The following IGF2R variants were observed in gnomAD, a reference collection of about 807,000 sequenced individuals.
The protein encoded by IGF2R is insulin like growth factor 2 receptor.
Under a neutral mutation model 270.6 loss-of-function variants are expected in IGF2R, and 91 were observed. That is an observed-to-expected ratio of 0.34 (90% CI 0.28 to 0.40). The LOEUF is 0.40. IGF2R is among the 10% of genes least tolerant of loss of function. The pLI is 1.00. For missense variants in IGF2R, 2,805 were observed against 3,188.3 expected, an observed-to-expected ratio of 0.88 and a Z score of 2.90; for synonymous variants, 1,316 against 1,258.9, an observed-to-expected ratio of 1.05 and a Z score of -0.96.
intron 2 of IGF2R, among the ~76,000 whole-genome samples, chr6:159,993,027 A>T (rs937788445): frequency 6.6e-6 from 1 of 152,126 alleles, no homozygotes; most frequent in Admixed American, 6.5e-5. Context: ...ACATTTTTAC[A>T]TATGCTTGTT....
intron 44 of IGF2R, chr6:160,093,230 A>C: frequency 6.0e-6 from 1 of 166,986 alleles, no homozygotes; most frequent in East Asian, 1.7e-4. Context: ...TGGTGTCCAG[A>C]GTTTTTCCCG....
Position 160,058,976 on chromosome 6 carries a change from A to G in IGF2R, c.2969A>G (p.Glu990Gly). 3 of 1,614,234 alleles carry G rather than the reference A, an allele frequency of 1.9e-6. No individual in the cohort carries two copies. The highest frequency in any genetic ancestry group is 2.5e-6 in the Non-Finnish European group (3 of 1,180,034). ...AAACCTGCTTCTGGCTGTGAGGCAG[A>G]AACCCAAACTGAAGAGCTCAAGAAT... ...LGKPASGCEA[E>G]TQTEELKNWK... is the part of the protein sequence containing the mutation. Residue 990 changes from glutamate (E) to glycine (G), a missense_variant, in exon 22 of 48, where the codon GAA (glutamate) becomes GGA (glycine). By Grantham distance (98) the Glu-to-Gly change is moderately conservative (BLOSUM62 -2). Coordinates refer to ENST00000356956, the MANE Select transcript of IGF2R (RefSeq NM_000876.4).
intron 4 of IGF2R, among the ~76,000 whole-genome samples, chr6:160,022,583 A>C (rs1444027496): frequency 6.6e-6 from 1 of 152,240 alleles, no homozygotes; most frequent in African/African-American, 2.4e-5. Flanking sequence ...TTATGGAACA[A>C]ATATAGAACA....
chr6:160,022,621 T>C (rs1445535313), intron 4 of IGF2R, among the ~76,000 whole-genome samples: 1 of 152,212 alleles, frequency 6.6e-6, no homozygotes, highest in Non-Finnish European at 1.5e-5. Context: ...CACTATGTTG[T>C]AGGCATCATC....
intron 10 of IGF2R, among the ~76,000 whole-genome samples, chr6:160,038,459 T>TA (rs1777872379): frequency 2.0e-5 from 3 of 152,224 alleles, no homozygotes; most frequent in African/African-American, 7.2e-5. Context: ...TGCCTGCAGA[T>TA]TATTAGTATG....
At chr6:159,980,432 A>C (rs1381538314) in intron 1 of IGF2R, among the ~76,000 whole-genome samples, 1 of 152,136 alleles carries the variant, frequency 6.6e-6, no homozygotes, top group Non-Finnish European at 1.5e-5. Flanking sequence ...TTGTGATCAG[A>C]GACAAGGTCA....
chr6:160,035,853 C>G (rs983707185), intron 10 of IGF2R, among the ~76,000 whole-genome samples: 1 of 152,070 alleles, frequency 6.6e-6, no homozygotes, highest in African/African-American at 2.4e-5. Context: ...AGGGAGGCAC[C>G]GAGGTCAGCT....
In IGF2R at chr6:159,969,208, G is replaced by T; in HGVS notation, c.-39G>T. ...GCGCGGCCCCCAGCAGTCGCGCGCCGTTAGCCTCGCGCCCGCCGCGCAGTC... is the reference window on the plus strand; with the variant it reads ...GCGCGGCCCCCAGCAGTCGCGCGCCTTTAGCCTCGCGCCCGCCGCGCAGTC... On this transcript the variant is annotated 5_prime_UTR_variant, in exon 1 of 48. Coordinates refer to ENST00000356956, the MANE Select transcript of IGF2R (RefSeq NM_000876.4). 1 of 983,136 alleles carries T rather than the reference G, an allele frequency of 1.0e-6. No homozygotes were observed. The highest frequency in any genetic ancestry group is 1.2e-6 in the Non-Finnish European group (1 of 829,106). The allele number at this position is 983,136 out of a possible 1,614,324, so 60.9% of individuals were successfully genotyped here. A position where few individuals can be genotyped will look rare whatever the true frequency, so the allele number is the denominator to read the frequency against.
chr6:159,976,621 A>G (rs6938712), intron 1 of IGF2R, among the ~76,000 whole-genome samples: 35,647 of 151,864 alleles, frequency 0.23, 4,604 homozygotes, highest in East Asian at 0.49. Context: ...TCTTCGGAGT[A>G]CCATACCACT....
rs749763625 is a variant in IGF2R, at chr6:160,085,111, C to T, written c.6185C>T (p.Thr2062Met). The T allele has an allele frequency of 4.6e-5, 75 of 1,613,498 alleles. No homozygotes were observed. Among genetic ancestry groups the T allele is most frequent in the Non-Finnish European group, 6.2e-5 (73 of 1,179,894 alleles). Reference sequence around the variant, plus strand: ...GTCCAGGTCCTGGGACTCGTTCACACGCAGAAGCTGGGTGTCATAGGTAAG... The same window carrying T: ...GTCCAGGTCCTGGGACTCGTTCACATGCAGAAGCTGGGTGTCATAGGTAAG... Reference protein sequence around the residue: ...GDVQVLGLVHTQKLGVIGDKV... With the variant: ...GDVQVLGLVHMQKLGVIGDKV... The change falls in exon 41 of 48, where the codon ACG (threonine) becomes ATG (methionine). Residue 2062 changes from threonine (T) to methionine (M), a missense_variant. By Grantham distance (81) the Thr-to-Met change is moderately conservative. Coordinates refer to ENST00000356956, the MANE Select transcript of IGF2R (RefSeq NM_000876.4).
rs749420398 is a variant in IGF2R, at chr6:160,073,425, A to G, written c.4903A>G (p.Thr1635Ala). The change falls in exon 34 of 48, where the codon ACT becomes GCT. Residue 1635 changes from threonine to alanine, a missense_variant. This residue lies in a region of IGF2R where 1,851 missense variants were observed against 2,207.2 expected (regional missense o/e 0.84). Coordinates refer to ENST00000356956, the MANE Select transcript of IGF2R (RefSeq NM_000876.4). ...CATCTCCCTGGACAAGCAGACATGC[A>G]CTCTCTTCTTCTCCTGGCACACGCC... The part of the protein sequence containing the change: ...MLISLDKQTC[T>A]LFFSWHTPLA... 9 of 1,614,162 alleles carry G rather than the reference A, an allele frequency of 5.6e-6. No homozygotes were observed. The highest frequency in any genetic ancestry group is 7.6e-6 in the Non-Finnish European group (9 of 1,180,026).
At chr6:160,013,429 A>G (rs1784369649) in intron 4 of IGF2R, among the ~76,000 whole-genome samples, 1 of 151,942 alleles carries the variant, frequency 6.6e-6, no homozygotes, top group East Asian at 1.9e-4. Context: ...AAAAAAAAAA[A>G]AAAAGGTGCT....
At chr6:160,067,936 AG>A in intron 29 of IGF2R, among the ~76,000 whole-genome samples, 1 of 152,258 alleles carries the variant, frequency 6.6e-6, no homozygotes, top group South Asian at 2.1e-4. Context: ...CAGTGGCCTG[AG>A]CACAGACGGC....
chr6:160,088,090 C>T lies in IGF2R; in HGVS notation c.6263C>T (p.Ala2088Val). 6.2e-7 allele frequency: 1 copy of T among 1,614,052 alleles called. No homozygotes were observed. The highest frequency in any genetic ancestry group is 8.5e-7 in the Non-Finnish European group (1 of 1,179,880). ...KGYPCGGNKT[A>V]SSVIELTCTK... ...TATCCGTGTGGTGGAAATAAGACCG[C>T]ATCCTCCGTGATAGAATTGACCTGT... is the stretch of plus-strand genomic sequence containing the variant. The change falls in exon 42 of 48, where the codon GCA (alanine) becomes GTA (valine). Residue 2088 changes from alanine to valine, a missense_variant. Coordinates refer to ENST00000356956, the MANE Select transcript of IGF2R (RefSeq NM_000876.4).
Position 160,047,844 on chromosome 6 carries a change from C to T in IGF2R, c.2282C>T (p.Pro761Leu), listed in dbSNP as rs201251256. ...CGGTGGTACACCAGCTATGCCTGCC[C>T]GGAGGAGCCCCTGGAATGCGTAGTG... ...NFRWYTSYACPEEPLECVVTD... is the reference protein window; with the variant it reads ...NFRWYTSYACLEEPLECVVTD... Residue 761 changes from proline to leucine, a missense_variant, in exon 17 of 48, where the codon CCG becomes CTG. Pro to Leu is a moderately conservative substitution (Grantham distance 98, BLOSUM62 -3). Transcript: ENST00000356956. The T allele has an allele frequency of 3.5e-5, 57 of 1,614,050 alleles. No individual in the cohort carries two copies. Among genetic ancestry groups the T allele is most frequent in the East Asian group, 4.5e-5 (2 of 44,896 alleles).
chr6:160,061,724 T>G, intron 24 of IGF2R, 29 bp from the exon 25 acceptor site: 1 of 1,613,844 alleles, frequency 6.2e-7, no homozygotes, highest in Non-Finnish European at 8.5e-7. Context: ...GCCTTCCTCA[T>G]GCCCAAACCA....
intron 38 of IGF2R, 78 bp downstream of exon 38, chr6:160,079,865 G>A (rs1297180384): frequency 7.7e-7 from 1 of 1,291,932 alleles, no homozygotes; most frequent in Admixed American, 2.6e-5. Flanking sequence ...GAAAGAAGCT[G>A]CGGAGTGGAG....
At chr6:160,056,235 G>A (rs948192679) in intron 19 of IGF2R, among the ~76,000 whole-genome samples, 189 bp from the exon 20 acceptor site, 1 of 152,176 alleles carries the variant, frequency 6.6e-6, no homozygotes, top group Non-Finnish European at 1.5e-5. Flanking sequence ...AGATTATTTT[G>A]TCTTCATAGG....
chr6:160,085,392 G>A (rs1779079021), intron 41 of IGF2R, among the ~76,000 whole-genome samples: 1 of 152,154 alleles, frequency 6.6e-6, no homozygotes, highest in South Asian at 2.1e-4. Flanking sequence ...CTATCCAGGA[G>A]GAAGTCTCAG....
Sources: gnomAD v4.1 joint callset for allele counts (sites outside exome capture counted in the v4.1 genomes callset) on GRCh38, gnomAD v4.1.1 for gene constraint, gnomAD v4.1.1 regional missense constraint, MANE v1.5 for transcripts, NCBI Gene and HGNC (gene_info 2026-07-23, HGNC 2026-07-21) for gene names.